The following NIPSNAP2 variants were observed in gnomAD, a reference collection of about 807,000 sequenced individuals.
The protein encoded by NIPSNAP2 is nipsnap homolog 2.
In NIPSNAP2, 42 loss-of-function variants were observed where a neutral mutation model predicts 48.4. The observed-to-expected ratio is 0.87, with a 90% CI of 0.68 to 1.12. The LOEUF (loss-of-function observed/expected upper bound fraction) is 1.12. Among genes scored for constraint, NIPSNAP2 ranks in the 50% most tolerant of loss-of-function variants. The pLI, the probability that NIPSNAP2 is intolerant of heterozygous loss-of-function variation, is 0.00. For synonymous variants in NIPSNAP2, 158 were observed against 126.6 expected (o/e 1.25, Z -1.67); for missense variants, 314 against 347.3 (o/e 0.90, Z 0.76).
At chr7:55,990,889 G>A (rs1787430970) in intron 7 of NIPSNAP2, among the ~76,000 whole-genome samples, 1 of 151,450 alleles carries the variant, frequency 6.6e-6, no homozygotes, top group African/African-American at 2.4e-5. Flanking sequence ...CTGGGTTCAA[G>A]CGATTAGCCT....
chr7:55,972,412 C>T (rs952940031), intron 1 of NIPSNAP2, among the ~76,000 whole-genome samples: 6 of 149,742 alleles, frequency 4.0e-5, no homozygotes, highest in South Asian at 2.1e-4. Flanking sequence ...TAAAGTAATG[C>T]GTAAGTTTCT....
At chr7:55,974,838 ACT>A (rs1200247745) in intron 1 of NIPSNAP2, among the ~76,000 whole-genome samples, 1 of 132,350 alleles carries the variant, frequency 7.6e-6, no homozygotes, top group Non-Finnish European at 1.6e-5. Context: ...ACAGAGCGCG[ACT>A]CTGTCTTAAA....
At chr7:55,971,212 T>C (rs575709473) in intron 1 of NIPSNAP2, among the ~76,000 whole-genome samples, 1 of 152,280 alleles carries the variant, frequency 6.6e-6, no homozygotes, top group East Asian at 1.9e-4. Context: ...CTAGATAGGT[T>C]GGGCATGTTA....
At chr7:55,982,168 A>T (rs1180632921) in intron 4 of NIPSNAP2, 42 bp from the exon 5 acceptor site, 2 of 1,275,252 alleles carry the variant, frequency 1.6e-6, no homozygotes, top group East Asian at 4.6e-5. Flanking sequence ...TAGTAGTATC[A>T]TGAAATTCTA....
chr7:55,977,354 G>A (rs1399122743), intron 1 of NIPSNAP2, among the ~76,000 whole-genome samples: 1 of 152,100 alleles, frequency 6.6e-6, no homozygotes, highest in Non-Finnish European at 1.5e-5. Context: ...TCGTGCCACT[G>A]CACTCCAGCT....
At chr7:55,982,687 G>T (rs905082025) in intron 5 of NIPSNAP2, among the ~76,000 whole-genome samples, 2 of 151,582 alleles carry the variant, frequency 1.3e-5, no homozygotes, top group African/African-American at 2.4e-5. Context: ...GGGAGGTGGA[G>T]CTTGCAGTGA....
intron 1 of NIPSNAP2, among the ~76,000 whole-genome samples, chr7:55,965,553 G>GTTT (rs1786874710): frequency 6.6e-6 from 1 of 151,958 alleles, no homozygotes; most frequent in African/African-American, 2.4e-5. Context: ...CAGTAACATG[G>GTTT]TTTATTATTA....
At chr7:55,985,561 AC>A (rs922109244) in intron 7 of NIPSNAP2, among the ~76,000 whole-genome samples, 2 of 151,818 alleles carry the variant, frequency 1.3e-5, no homozygotes, top group Non-Finnish European at 2.9e-5. Context: ...ACATAGTAAG[AC>A]CCCCAACCTC....
intron 7 of NIPSNAP2, among the ~76,000 whole-genome samples, chr7:55,993,544 AT>A (rs1435147258): frequency 6.7e-6 from 1 of 149,444 alleles, no homozygotes; most frequent in Non-Finnish European, 1.5e-5. Context: ...GTACCATTGC[AT>A]TCCAGCCTGG....
At position 55,997,468 on chromosome 7, in the gene NIPSNAP2, T is replaced by C. The variant is rs1246165110; in HGVS notation, c.796+19T>C. On this transcript the variant is annotated intron_variant, in intron 9 of 9. Coordinates refer to ENST00000322090, the MANE Select transcript of NIPSNAP2 (RefSeq NM_001483.3). Reference sequence around the variant, plus strand: ...TACACAGGTAATCTCTTAACAGCCATGAAATATGCTTTTTGTCTTACTGTT... The same window carrying C: ...TACACAGGTAATCTCTTAACAGCCACGAAATATGCTTTTTGTCTTACTGTT... The C allele has an allele frequency of 1.3e-6, 2 of 1,566,084 alleles. No homozygotes were observed. Among genetic ancestry groups the C allele is most frequent in the Non-Finnish European group, 1.8e-6 (2 of 1,136,478 alleles).
intron 9 of NIPSNAP2, among the ~76,000 whole-genome samples, chr7:55,998,519 T>TTTTTTGATGG (rs1787616504): frequency 6.9e-6 from 1 of 145,358 alleles, no homozygotes. Context: ...TTTTTTTTTT[T>TTTTTTGATGG]GAGACGGAGT....
In NIPSNAP2 at chr7:55,997,409, A is replaced by T; in HGVS notation, c.756A>T (p.Ala252=). 6.2e-7 allele frequency: 1 copy of T among 1,613,972 alleles called. No homozygotes were observed. The highest frequency in any genetic ancestry group is 8.5e-7 in the Non-Finnish European group (1 of 1,179,862). The stretch of plus-strand genomic sequence containing the variant: ...CCAGGGAAGACATACGGAATGCAGC[A>T]TGGCACAAACATGGCTGGGAGGAAT... The part of the protein sequence containing the change: ...LQTREDIRNA[A]WHKHGWEELV... The change falls in exon 9 of 10, where the codon GCA becomes GCT. Residue 252 remains alanine (A), a synonymous_variant. Transcript: ENST00000322090.
chr7:55,965,146 C>G (rs1296693948), intron 1 of NIPSNAP2: 3 of 152,330 alleles, frequency 2.0e-5, no homozygotes, highest in Non-Finnish European at 4.4e-5. Flanking sequence ...ACCCTGGTCT[C>G]TGAGGTGCCG....
At chr7:55,996,040 C>A (rs1562769891) in intron 8 of NIPSNAP2, among the ~76,000 whole-genome samples, 3 of 152,100 alleles carry the variant, frequency 2.0e-5, no homozygotes, top group Non-Finnish European at 4.4e-5. Flanking sequence ...ATAATCCCAG[C>A]ACTTTGGGAG....
At chr7:55,977,992 A>T in intron 1 of NIPSNAP2, 134 bp from the exon 2 acceptor site, 1 of 940,440 alleles carries the variant, frequency 1.1e-6, no homozygotes, top group Non-Finnish European at 1.6e-6. Context: ...TGCTGTTGTC[A>T]TGGAAAGCAG....
At chr7:55,977,429 G>A (rs1362681431) in intron 1 of NIPSNAP2, among the ~76,000 whole-genome samples, 5 of 151,884 alleles carry the variant, frequency 3.3e-5, no homozygotes, top group Non-Finnish European at 7.4e-5. Flanking sequence ...TACTTGAGGG[G>A]TAAATTTTTT....
At chr7:55,966,554 G>A (rs1300226322) in intron 1 of NIPSNAP2, among the ~76,000 whole-genome samples, 1 of 152,110 alleles carries the variant, frequency 6.6e-6, no homozygotes, top group Non-Finnish European at 1.5e-5. Context: ...AGGCCGAGCT[G>A]GGCTGATCGC....
chr7:55,982,331 T>G, intron 5 of NIPSNAP2, 51 bp downstream of exon 5: 2 of 1,059,712 alleles, frequency 1.9e-6, no homozygotes, highest in Non-Finnish European at 2.8e-6. Flanking sequence ...TAGATGTTAG[T>G]ACAGAATTAA....
At chr7:55,994,500 G>A (rs1020461243) in intron 7 of NIPSNAP2, among the ~76,000 whole-genome samples, 3 of 152,180 alleles carry the variant, frequency 2.0e-5, no homozygotes, top group African/African-American at 7.2e-5. Context: ...ATTACTTGAG[G>A]TCAGGAGTTT....
Sources: allele counts gnomAD v4.1 joint callset (sites outside exome capture counted in the v4.1 genomes callset), GRCh38; gene constraint gnomAD v4.1.1; transcripts MANE v1.5; gene names NCBI Gene and HGNC (gene_info 2026-07-23, HGNC 2026-07-21).